AP2B1: variants seen among roughly 807,000 people sequenced by gnomAD.
AP2B1 encodes adaptor related protein complex 2 subunit beta 1.
In AP2B1, 23 loss-of-function variants were observed where a neutral mutation model predicts 102.0. The observed-to-expected ratio is 0.23, with a 90% CI of 0.16 to 0.32. The LOEUF (loss-of-function observed/expected upper bound fraction) is 0.32, where lower values mean the gene tolerates loss of function less well. Among genes scored for constraint, AP2B1 ranks in the 10% least tolerant of loss-of-function variants. AP2B1 has a pLI of 1.00. For synonymous variants in AP2B1, 381 were observed against 421.2 expected (o/e 0.90, Z 1.17); for missense variants, 541 against 1,157.4 (o/e 0.47, Z 7.73).
chr17:35,600,637 A>G (rs962638362), intron 3 of AP2B1, among the ~76,000 whole-genome samples: 29 of 152,230 alleles, frequency 1.9e-4, no homozygotes, highest in African/African-American at 5.3e-4. Flanking sequence ...ATAAAAAAGC[A>G]GTGTCACCAT....
At position 35,703,001 on chromosome 17, in the gene AP2B1, G is replaced by A. The variant is rs139972400; in HGVS notation, c.2455-6223G>A. 6.0e-3 allele frequency among the ~76,000 whole-genome samples: 911 copies of A among 152,238 alleles called. 12 individuals are homozygous for A. Among genetic ancestry groups the A allele is most frequent in the African/African-American group, 0.02 (846 of 41,538 alleles). On this transcript the variant is annotated intron_variant, in intron 18 of 21. Coordinates refer to ENST00000610402, the MANE Select transcript of AP2B1 (RefSeq NM_001030006.2). ...AAAGACCTAAAAATGGGCCGGGCGC[G>A]GTGGCTCACGCCTGTAATCCCAGCA... is the stretch of plus-strand genomic sequence containing the variant.
intron 2 of AP2B1, 47 bp from the exon 3 acceptor site, chr17:35,598,183 A>T: frequency 8.4e-7 from 1 of 1,196,664 alleles, no homozygotes; most frequent in South Asian, 1.3e-5. Context: ...ATTCTGCTCT[A>T]AGTCTGTGGT....
At position 35,655,564 on chromosome 17, in the gene AP2B1, C is replaced by A. The variant is rs190908943; in HGVS notation, c.1797-2035C>A. 2.6e-5 allele frequency among the ~76,000 whole-genome samples: 4 copies of A among 152,258 alleles called. No individual in the cohort carries two copies. The East Asian group carries it at 5.8e-4, about 22-fold the overall frequency. ...AATATACCATTTATATCTTCTATTG[C>A]ACCTTTGGGTTATTTCTAGTTTGTG... On this transcript the variant is annotated intron_variant, in intron 13 of 21. Transcript: ENST00000610402.
chr17:35,606,906 A>AT lies in AP2B1; in HGVS notation c.279+1081dup, dbSNP rs752972298. Among the ~76,000 whole-genome samples the AT allele has an allele frequency of 5.3e-3, 756 of 143,848 alleles. 3 individuals carry two copies. The highest frequency in any genetic ancestry group is 9.9e-3 in the East Asian group (49 of 4,974). 94.4% of individuals were successfully genotyped at this position (143,848 alleles called of 152,430 possible). On this transcript the variant is annotated intron_variant, in intron 4 of 21. Transcript: ENST00000610402. ...AATAATAATGGGATCATTCCCATTA[A>AT]TTTTTTTTTTTTTTTGGTGACAGAA...
At chr17:35,630,044 G>A (rs186026970) in intron 9 of AP2B1, among the ~76,000 whole-genome samples, 76 of 152,276 alleles carry the variant, frequency 5.0e-4, no homozygotes, top group Non-Finnish European at 8.8e-4. Flanking sequence ...TGATTTCTCA[G>A]GAATACGAAA....
chr17:35,720,145 G>C (rs1490998421), intron 21 of AP2B1, among the ~76,000 whole-genome samples: 7 of 152,130 alleles, frequency 4.6e-5, no homozygotes, highest in Non-Finnish European at 1.5e-5. Flanking sequence ...GGCCCAAAAA[G>C]AGTGCTAAAT....
chr17:35,647,514 T>A (rs2074968074), intron 12 of AP2B1, among the ~76,000 whole-genome samples: 1 of 152,178 alleles, frequency 6.6e-6, no homozygotes, highest in African/African-American at 2.4e-5. Context: ...TGTATACATA[T>A]ACATATACAC....
intron 9 of AP2B1, among the ~76,000 whole-genome samples, chr17:35,633,214 G>T (rs2074512377): frequency 6.6e-6 from 1 of 152,016 alleles, no homozygotes; most frequent in African/African-American, 2.4e-5. Context: ...ACAAAAATTA[G>T]CTGGGCTTGG....
chr17:35,713,128 T>C (rs2076484995), intron 20 of AP2B1, among the ~76,000 whole-genome samples: 1 of 152,246 alleles, frequency 6.6e-6, no homozygotes, highest in African/African-American at 2.4e-5. Context: ...AGAGGAAGTG[T>C]CTGGCATTTC....
At chr17:35,630,653 A>G (rs1313779469) in intron 9 of AP2B1, among the ~76,000 whole-genome samples, 1 of 152,224 alleles carries the variant, frequency 6.6e-6, no homozygotes, top group African/African-American at 2.4e-5. Flanking sequence ...TTCTCAAAGC[A>G]TCTAGATTCC....
intron 12 of AP2B1, among the ~76,000 whole-genome samples, chr17:35,645,402 G>C (rs1286677833): frequency 1.3e-5 from 2 of 152,140 alleles, no homozygotes; most frequent in African/African-American, 4.8e-5. Context: ...TGAAATCTTA[G>C]TGCTTTTAAG....
intron 13 of AP2B1, among the ~76,000 whole-genome samples, chr17:35,651,295 C>T (rs1164329645): frequency 6.6e-6 from 1 of 151,306 alleles, no homozygotes; most frequent in African/African-American, 2.4e-5. Context: ...AAAAAAAAAG[C>T]CTGACTTCTA....
intron 18 of AP2B1, 39 bp downstream of exon 18, chr17:35,682,863 T>C (rs771953710): frequency 6.4e-7 from 1 of 1,560,544 alleles, no homozygotes; most frequent in Non-Finnish European, 8.8e-7. Context: ...CAAGTTAATA[T>C]CTTGACAATT....
chr17:35,604,650 T>C (rs957724865), intron 3 of AP2B1, among the ~76,000 whole-genome samples: 37 of 152,078 alleles, frequency 2.4e-4, no homozygotes, highest in African/African-American at 8.7e-4. Context: ...CTCAGCTACT[T>C]AGGAGGCTGA....
chr17:35,591,019 C>A (rs2073078041), intron 1 of AP2B1, among the ~76,000 whole-genome samples: 1 of 151,822 alleles, frequency 6.6e-6, no homozygotes. Flanking sequence ...TACTAAAATA[C>A]AAAAATTAGC....
chr17:35,674,110 G>A, intron 16 of AP2B1, 66 bp from the exon 17 acceptor site: 1 of 1,485,848 alleles, frequency 6.7e-7, no homozygotes, highest in East Asian at 2.3e-5. Context: ...TTTTTTATTT[G>A]TTAAAAAATG....
chr17:35,600,838 C>G (rs1191845819), intron 3 of AP2B1: 1 of 185,902 alleles, frequency 5.4e-6, no homozygotes, highest in Non-Finnish European at 1.0e-5. Flanking sequence ...ATGAAGGGAT[C>G]CCGAGACCAA....
At chr17:35,717,573 C>A (rs782017232) in intron 21 of AP2B1, among the ~76,000 whole-genome samples, 11 of 152,202 alleles carry the variant, frequency 7.2e-5, no homozygotes, top group Non-Finnish European at 1.3e-4. Context: ...TGCCTCAAAT[C>A]CATCCCTCCC....
intron 14 of AP2B1, among the ~76,000 whole-genome samples, chr17:35,667,599 A>C (rs530309461): frequency 1.3e-5 from 2 of 152,354 alleles, no homozygotes; most frequent in South Asian, 4.1e-4. Flanking sequence ...GATAAAAAGA[A>C]TGAAATCTAA....
Sources: allele counts gnomAD v4.1 joint callset (sites outside exome capture counted in the v4.1 genomes callset), GRCh38; gene constraint gnomAD v4.1.1; transcripts MANE v1.5; gene names NCBI Gene and HGNC (gene_info 2026-07-23, HGNC 2026-07-21).